The following FUT9 variants were observed in gnomAD, a reference collection of about 807,000 sequenced individuals.
FUT9 encodes fucosyltransferase 9.
FUT9 carries 15 observed loss-of-function variants against 29.7 expected under a neutral mutation model. The observed-to-expected ratio is 0.51, with a 90% confidence interval of 0.34 to 0.78. FUT9 has a LOEUF of 0.78. Among genes scored for constraint, FUT9 ranks in the 30% least tolerant of loss-of-function variants. The probability of loss-of-function intolerance (pLI) is 0.01; values close to 1 mark genes in which losing one functional copy is unlikely to be tolerated. For missense variants in FUT9, 319 were observed against 425.4 expected, an observed-to-expected ratio of 0.75 and a Z score of 2.20; for synonymous variants, 169 against 153.7, an observed-to-expected ratio of 1.10 and a Z score of -0.74.
intron 2 of FUT9, among the ~76,000 whole-genome samples, chr6:96,127,515 C>A (rs1482990963): frequency 1.3e-5 from 2 of 152,076 alleles, no homozygotes; most frequent in African/African-American, 4.8e-5. Flanking sequence ...GCGCATGTGT[C>A]TTTATGGTAG....
chr6:96,123,837 G>A (rs1223209140), intron 2 of FUT9, among the ~76,000 whole-genome samples: 1 of 151,862 alleles, frequency 6.6e-6, no homozygotes, highest in African/African-American at 2.4e-5. Flanking sequence ...GGAAATGATG[G>A]AAAATGCCAA....
chr6:96,049,296 A>G (rs947675552), intron 1 of FUT9, among the ~76,000 whole-genome samples: 1 of 152,160 alleles, frequency 6.6e-6, no homozygotes, highest in Non-Finnish European at 1.5e-5. Flanking sequence ...TCTAAGAATT[A>G]TGCAAGCTAG....
At chr6:96,024,894 C>T (rs1770136366) in intron 1 of FUT9, among the ~76,000 whole-genome samples, 1 of 151,754 alleles carries the variant, frequency 6.6e-6, no homozygotes, top group African/African-American at 2.4e-5. Flanking sequence ...TCAGAAAAAT[C>T]TCCTCAAGAG....
At chr6:96,133,980 GAT>G (rs564949086) in intron 2 of FUT9, among the ~76,000 whole-genome samples, 2 of 151,694 alleles carry the variant, frequency 1.3e-5, no homozygotes, top group South Asian at 4.1e-4. Context: ...ATTTCAAAGA[GAT>G]ATCCTTAAGT....
intron 2 of FUT9, among the ~76,000 whole-genome samples, chr6:96,120,346 A>T (rs903559893): frequency 7.0e-6 from 1 of 143,178 alleles, no homozygotes; most frequent in Admixed American, 7.3e-5. Context: ...TCTCGGCCCA[A>T]TGCAAACTCC....
chr6:96,028,878 T>A (rs1770212964), intron 1 of FUT9, among the ~76,000 whole-genome samples: 1 of 151,572 alleles, frequency 6.6e-6, no homozygotes, highest in Admixed American at 6.6e-5. Flanking sequence ...TAATAATTAT[T>A]CAGTCACAGT....
At chr6:96,070,603 C>T (rs1224660225) in intron 1 of FUT9, among the ~76,000 whole-genome samples, 1 of 152,060 alleles carries the variant, frequency 6.6e-6, no homozygotes, top group Non-Finnish European at 1.5e-5. Context: ...GGGAGGATTG[C>T]TTGAGCCTGG....
At chr6:96,098,222 T>C (rs1441081755) in intron 1 of FUT9, among the ~76,000 whole-genome samples, 1 of 152,198 alleles carries the variant, frequency 6.6e-6, no homozygotes, top group Non-Finnish European at 1.5e-5. Context: ...AACTACTTTT[T>C]ATAAAGCATG....
chr6:96,022,538 C>A (rs1770088317), intron 1 of FUT9, among the ~76,000 whole-genome samples: 1 of 151,888 alleles, frequency 6.6e-6, no homozygotes, highest in African/African-American at 2.4e-5. Flanking sequence ...TAGATCAAAT[C>A]ATGGTCAGAG....
intron 2 of FUT9, among the ~76,000 whole-genome samples, chr6:96,120,796 T>G (rs996279783): frequency 2.0e-5 from 3 of 151,806 alleles, no homozygotes; most frequent in Non-Finnish European, 4.4e-5. Flanking sequence ...GCTCCACTGT[T>G]TGTGATGACC....
At chr6:96,136,556 AT>A (rs1328013946) in intron 2 of FUT9, among the ~76,000 whole-genome samples, 3 of 152,008 alleles carry the variant, frequency 2.0e-5, no homozygotes, top group Non-Finnish European at 4.4e-5. Context: ...TATAATAAAC[AT>A]TTTAATGTAC....
intron 1 of FUT9, among the ~76,000 whole-genome samples, chr6:96,020,388 GA>G (rs1395161018): frequency 2.0e-5 from 3 of 152,076 alleles, no homozygotes; most frequent in African/African-American, 7.2e-5. Context: ...TCATCACAGA[GA>G]AGGTTTCGTA....
rs1773795781 is a variant in FUT9, at chr6:96,204,727, CTG to C, written c.*494_*495del. The C allele has an allele frequency of 6.0e-6, 1 of 166,770 alleles. No homozygotes were observed. The highest frequency in any genetic ancestry group is 2.1e-4 in the South Asian group (1 of 4,834). 10.3% of individuals were successfully genotyped at this position (166,770 alleles called of 1,614,324 possible). A position where few individuals can be genotyped will look rare whatever the true frequency, so the allele number is the denominator to read the frequency against. On this transcript the variant is annotated 3_prime_UTR_variant, in exon 3 of 3. Transcript: ENST00000302103. ...CTCCGAAGATGAATGAAGTGTATAA[CTG>C]TCTCTATTTGATCTATTTTTTTTAC...
intron 2 of FUT9, among the ~76,000 whole-genome samples, chr6:96,184,743 C>A (rs985136179): frequency 6.6e-6 from 1 of 151,968 alleles, no homozygotes; most frequent in Non-Finnish European, 1.5e-5. Context: ...TATTTAATTT[C>A]TATTTATTTG....
chr6:96,031,851 T>C (rs1313094440), intron 1 of FUT9, among the ~76,000 whole-genome samples: 1 of 151,596 alleles, frequency 6.6e-6, no homozygotes, highest in Admixed American at 6.6e-5. Flanking sequence ...GAGAAGAATT[T>C]TAAAACAAAA....
chr6:96,086,819 CCT>C, intron 1 of FUT9, among the ~76,000 whole-genome samples: 1 of 152,142 alleles, frequency 6.6e-6, no homozygotes, highest in East Asian at 1.9e-4. Context: ...CACTGCTTGG[CCT>C]CTCTTTTTTG....
chr6:96,115,576 A>T lies in FUT9; in HGVS notation c.-9+1449A>T, dbSNP rs73554632. ...TGATAATCATCTCATCAATGACACT[A>T]GCTGTATTTCAAGTGCTCAGCTGTC... is the stretch of plus-strand genomic sequence containing the variant. On this transcript the variant is annotated intron_variant, in intron 2 of 2. Transcript: ENST00000302103. 4.3e-3 allele frequency among the ~76,000 whole-genome samples: 657 copies of T among 152,328 alleles called. 6 individuals carry two copies. Among genetic ancestry groups the T allele is most frequent in the African/African-American group, 0.015 (642 of 41,576 alleles).
In FUT9 at chr6:96,215,547, T is replaced by C. The variant is rs941114229; in HGVS notation, c.*11312T>C. On this transcript the variant is annotated 3_prime_UTR_variant, in exon 3 of 3. Coordinates refer to ENST00000302103, the MANE Select transcript of FUT9 (RefSeq NM_006581.4). Reference sequence around the variant, plus strand: ...TCCTTGAATGTGTAAATAATGATGTTCTATTCTGACCTAATGAATTCCTGT... The same window carrying C: ...TCCTTGAATGTGTAAATAATGATGTCCTATTCTGACCTAATGAATTCCTGT... The C allele has an allele frequency of 6.0e-6, 1 of 166,554 alleles. No homozygotes were observed. Among genetic ancestry groups the C allele is most frequent in the African/African-American group, 2.4e-5 (1 of 41,462 alleles). 10.3% of individuals were successfully genotyped at this position (166,554 alleles called of 1,614,324 possible).
At position 96,069,619 on chromosome 6, in the gene FUT9, ATTTTT is replaced by A. The variant is rs746359558; in HGVS notation, c.-97-44417_-97-44413del. On this transcript the variant is annotated intron_variant, in intron 1 of 2. Coordinates refer to ENST00000302103, the MANE Select transcript of FUT9 (RefSeq NM_006581.4). Reference sequence around the variant, plus strand: ...AAACAGAACAAACTATTATTTTTTTATTTTTTTATTTTTTATTTTATTTTTTTGAG... The same window carrying A: ...AAACAGAACAAACTATTATTTTTTTATTATTTTTTATTTTATTTTTTTGAG... Among the ~76,000 whole-genome samples the A allele has an allele frequency of 2.3e-4, 24 of 103,694 alleles. No homozygotes were observed. The East Asian group carries it at 7.1e-3, about 31-fold the overall frequency. The allele number at this position is 103,694 out of a possible 152,430, so 68.0% of individuals were successfully genotyped here.
Sources: allele counts gnomAD v4.1 joint callset (sites outside exome capture counted in the v4.1 genomes callset), GRCh38; gene constraint gnomAD v4.1.1; transcripts MANE v1.5; gene names NCBI Gene and HGNC (gene_info 2026-07-23, HGNC 2026-07-21).